Variants in UGGT2 observed in about 807,000 individuals in gnomAD.
The protein encoded by UGGT2 is UDP-glucose:glycoprotein glucosyltransferase 2.
A neutral mutation model predicts 192.1 loss-of-function variants in UGGT2; 180 were observed. The ratio of observed to expected loss-of-function variants is 0.94; its 90% CI spans 0.83 to 1.06. The LOEUF (loss-of-function observed/expected upper bound fraction) is 1.06. UGGT2 is among the 50% of genes least tolerant of loss of function. The pLI, the probability that UGGT2 is intolerant of heterozygous loss-of-function variation, is 0.00. For missense variants in UGGT2, 1,849 were observed against 1,795.7 expected, an observed-to-expected ratio of 1.03 and a Z score of -0.54; for synonymous variants, 580 against 591.0, an observed-to-expected ratio of 0.98 and a Z score of 0.27.
chr13:95,868,422 C>T (rs982580953), intron 29 of UGGT2, among the ~76,000 whole-genome samples: 4 of 151,998 alleles, frequency 2.6e-5, no homozygotes, highest in Non-Finnish European at 4.4e-5. Context: ...AGTGAGACCT[C>T]GTCTCTGCAA....
chr13:95,948,275 T>C (rs1252468589), intron 13 of UGGT2, among the ~76,000 whole-genome samples, 194 bp from the exon 14 acceptor site: 2 of 150,404 alleles, frequency 1.3e-5, no homozygotes, highest in Admixed American at 1.3e-4. Context: ...TCACAATTTA[T>C]GAAGGATTTC....
chr13:95,863,772 G>T lies in UGGT2; in HGVS notation c.3559-58C>A. 7.4e-6 allele frequency: 10 copies of T among 1,359,000 alleles called. No individual in the cohort carries two copies. In the South Asian group the frequency reaches 1.1e-4, roughly 14 times the overall value. The allele number at this position is 1,359,000 out of a possible 1,614,324, so 84.2% of individuals were successfully genotyped here. A position where few individuals can be genotyped will look rare whatever the true frequency, so the allele number is the denominator to read the frequency against. On this transcript the variant is annotated intron_variant, in intron 30 of 38. Coordinates refer to ENST00000376747, the MANE Select transcript of UGGT2 (RefSeq NM_020121.4). ...GCTGCTTTAAATATTGTGCTGTATGGTTAGAAAGTGAAACATATTGGGCGA... is the reference window on the plus strand; with the variant it reads ...GCTGCTTTAAATATTGTGCTGTATGTTTAGAAAGTGAAACATATTGGGCGA...
At chr13:96,000,430 A>G (rs2051763370) in intron 5 of UGGT2, among the ~76,000 whole-genome samples, 1 of 152,226 alleles carries the variant, frequency 6.6e-6, no homozygotes, top group Admixed American at 6.5e-5. Context: ...AATACTTAAC[A>G]TTGCTGCCCA....
intron 29 of UGGT2, 95 bp downstream of exon 29, chr13:95,877,184 T>C: frequency 9.1e-7 from 1 of 1,096,608 alleles, no homozygotes; most frequent in Non-Finnish European, 1.3e-6. Flanking sequence ...GCCAGGCCAA[T>C]CTTAACATTT....
chr13:95,895,425 T>C, intron 22 of UGGT2, 121 bp from the exon 23 acceptor site: 1 of 592,432 alleles, frequency 1.7e-6, no homozygotes, highest in South Asian at 3.4e-5. Flanking sequence ...ATTAAAGATA[T>C]GGTAGCTATT....
intron 17 of UGGT2, among the ~76,000 whole-genome samples, chr13:95,936,686 G>A (rs191087555): frequency 6.6e-6 from 1 of 152,248 alleles, no homozygotes; most frequent in African/African-American, 2.4e-5. Flanking sequence ...GACAGTGGGT[G>A]TTCCAGATTC....
Position 96,053,153 on chromosome 13 carries a change from A to AG in UGGT2, c.158+1_158+2insC. The AG allele has an allele frequency of 6.6e-7, 1 of 1,508,614 alleles. No homozygotes were observed. The highest frequency in any genetic ancestry group is 1.2e-5 in the South Asian group (1 of 81,496). The allele number at this position is 1,508,614 out of a possible 1,614,324, so 93.5% of individuals were successfully genotyped here. ...CCGGACGAGGGCCCGGCCCGCACCC[A>AG]CCTTGCCTCCAGCAGCAGCGGGGTC... On this transcript the variant is annotated splice_donor_variant, in intron 1 of 38. Coordinates refer to ENST00000376747, the MANE Select transcript of UGGT2 (RefSeq NM_020121.4). LOFTEE classifies it high-confidence loss of function.
chr13:95,846,026 G>T (rs1178114618), intron 36 of UGGT2, among the ~76,000 whole-genome samples: 2 of 152,118 alleles, frequency 1.3e-5, no homozygotes, highest in Non-Finnish European at 2.9e-5. Context: ...ACGGGGTGGC[G>T]GCCAGGCAGA....
At chr13:95,909,895 A>T (rs2048430715) in intron 20 of UGGT2, among the ~76,000 whole-genome samples, 2 of 151,726 alleles carry the variant, frequency 1.3e-5, no homozygotes, top group African/African-American at 4.8e-5. Context: ...CGGACCTCTC[A>T]GCAGAAACCC....
chr13:95,831,935 T>C (rs1886739898), intron 38 of UGGT2, among the ~76,000 whole-genome samples: 1 of 152,124 alleles, frequency 6.6e-6, no homozygotes, highest in East Asian at 1.9e-4. Context: ...CAGAATATTT[T>C]CTTATGAATT....
intron 17 of UGGT2, among the ~76,000 whole-genome samples, chr13:95,936,508 A>T (rs1299870978): frequency 6.6e-6 from 1 of 152,236 alleles, no homozygotes; most frequent in African/African-American, 2.4e-5. Flanking sequence ...CAGGCTGAGC[A>T]GGCCTGCCTA....
chr13:96,017,282 GC>G (rs1197807965), intron 4 of UGGT2, among the ~76,000 whole-genome samples: 3 of 152,132 alleles, frequency 2.0e-5, no homozygotes, highest in African/African-American at 4.8e-5. Context: ...GATTTTGGGG[GC>G]TAGGAAAAGA....
chr13:95,819,270 CAAAT>C (rs2139781630), intron 38 of UGGT2, among the ~76,000 whole-genome samples: 1 of 152,198 alleles, frequency 6.6e-6, no homozygotes, highest in African/African-American at 2.4e-5. Context: ...CCAGTTATTA[CAAAT>C]AGAGTAGTAA....
chr13:96,011,823 G>C (rs1376795925), intron 5 of UGGT2, among the ~76,000 whole-genome samples: 1 of 152,050 alleles, frequency 6.6e-6, no homozygotes, highest in East Asian at 1.9e-4. Context: ...CATCTGACTA[G>C]ATTGTGAAAT....
At chr13:95,815,557 A>G (rs963763280) in intron 38 of UGGT2, among the ~76,000 whole-genome samples, 1 of 152,210 alleles carries the variant, frequency 6.6e-6, no homozygotes, top group Non-Finnish European at 1.5e-5. Flanking sequence ...GTAATTAAAG[A>G]CCAAAATAAA....
At chr13:95,937,196 T>A in intron 16 of UGGT2, 108 bp from the exon 17 acceptor site, 1 of 1,261,076 alleles carries the variant, frequency 7.9e-7, no homozygotes, top group Non-Finnish European at 1.1e-6. Flanking sequence ...GGAAAAAACA[T>A]CCATTTTGCT....
chr13:95,849,831 A>G (rs1888849775), intron 36 of UGGT2, among the ~76,000 whole-genome samples: 1 of 149,546 alleles, frequency 6.7e-6, no homozygotes, highest in Non-Finnish European at 1.5e-5. Context: ...TAACTTTTAT[A>G]TATTAATTTT....
chr13:95,841,567 A>G (rs1172575170), intron 36 of UGGT2, among the ~76,000 whole-genome samples: 1 of 152,166 alleles, frequency 6.6e-6, no homozygotes, highest in Non-Finnish European at 1.5e-5. Context: ...CTCACATCCT[A>G]CAGGAGTTCT....
At chr13:95,856,378 G>C in intron 33 of UGGT2, 38 bp from the exon 34 acceptor site, 2 of 1,570,870 alleles carry the variant, frequency 1.3e-6, no homozygotes, top group Non-Finnish European at 1.7e-6. Context: ...ATATGTTCAA[G>C]AGAAAGTAGT....
Sources: allele counts gnomAD v4.1 joint callset (sites outside exome capture counted in the v4.1 genomes callset), GRCh38; gene constraint gnomAD v4.1.1; transcripts MANE v1.5; gene names NCBI Gene and HGNC (gene_info 2026-07-23, HGNC 2026-07-21).